The following PRPF38A variants were observed in gnomAD, a reference collection of about 807,000 sequenced individuals.
PRPF38A encodes pre-mRNA-splicing factor 38A.
Under a neutral mutation model 46.8 loss-of-function variants are expected in PRPF38A, and 11 were observed. The ratio of observed to expected loss-of-function variants is 0.24; its 90% CI spans 0.15 to 0.39. The LOEUF is 0.39. Ranked by LOEUF, PRPF38A falls within the 10% of genes least tolerant of loss-of-function variation. The pLI, the probability that PRPF38A is intolerant of heterozygous loss-of-function variation, is 1.00. For synonymous variants in PRPF38A, 124 were observed against 136.2 expected, an observed-to-expected ratio of 0.91 and a Z score of 0.62; for missense variants, 261 against 407.5, an observed-to-expected ratio of 0.64 and a Z score of 3.10.
chr1:52,413,398 TC>T (rs1225948829), intron 5 of PRPF38A, among the ~76,000 whole-genome samples: 2 of 152,008 alleles, frequency 1.3e-5, no homozygotes, highest in East Asian at 3.9e-4. Flanking sequence ...GCCCAGTTGT[TC>T]CAGGAAGCAA....
At chr1:52,412,428 T>TC in intron 4 of PRPF38A, 86 bp from the exon 5 acceptor site, 1 of 857,480 alleles carries the variant, frequency 1.2e-6, no homozygotes, top group Non-Finnish European at 1.8e-6. Context: ...CAGCTGTTGC[T>TC]CCTTGGAACC....
rs149863673 is a variant in PRPF38A, at chr1:52,407,210, C to G, written c.291-1359C>G. On this transcript the variant is annotated intron_variant, in intron 2 of 9. Transcript: ENST00000257181. Reference sequence around the variant, plus strand: ...TTTTTTGTATTTTTACTAGAGACGGCATTTCACCGCGTTAGCCAGGATGGT... The same window carrying G: ...TTTTTTGTATTTTTACTAGAGACGGGATTTCACCGCGTTAGCCAGGATGGT... Among the ~76,000 whole-genome samples the G allele has an allele frequency of 2.9e-3, 442 of 152,234 alleles. 3 individuals are homozygous for G. Among genetic ancestry groups the G allele is most frequent in the Admixed American group, 7.5e-3 (115 of 15,282 alleles).
In PRPF38A at chr1:52,419,159, C is replaced by G. The variant is rs910147685; in HGVS notation, c.*2469C>G. On this transcript the variant is annotated 3_prime_UTR_variant, in exon 10 of 10. Transcript: ENST00000257181. Reference sequence around the variant, plus strand: ...TCACCTGAGGTCGGGAGTTTGAGACCAGCCTGGCCAACATGGAGAAACCCT... The same window carrying G: ...TCACCTGAGGTCGGGAGTTTGAGACGAGCCTGGCCAACATGGAGAAACCCT... 6.6e-6 allele frequency: 1 copy of G among 152,134 alleles called. No individual in the cohort carries two copies. The highest frequency in any genetic ancestry group is 1.5e-5 in the Non-Finnish European group (1 of 68,052). 9.4% of individuals were successfully genotyped at this position (152,134 alleles called of 1,614,324 possible). A position where few individuals can be genotyped will look rare whatever the true frequency, so the allele number is the denominator to read the frequency against.
intron 9 of PRPF38A, among the ~76,000 whole-genome samples, chr1:52,415,693 G>A (rs1648270595): frequency 6.6e-6 from 1 of 151,884 alleles, no homozygotes. Flanking sequence ...TTTGGACAAT[G>A]GATGAGCTTT....
chr1:52,404,773 T>A lies in PRPF38A; in HGVS notation c.24T>A (p.Asp8Glu). 1 of 1,614,134 alleles carries A rather than the reference T, an allele frequency of 6.2e-7. No individual in the cohort carries two copies. Among genetic ancestry groups the A allele is most frequent in the Non-Finnish European group, 8.5e-7 (1 of 1,179,986 alleles). ...AAATGGCTAACCGTACAGTGAAGGA[T>A]GCGCACAGCATCCATGGCACCAACC... MANRTVK[D>E]AHSIHGTNPQ... Residue 8 changes from aspartate (D) to glutamate (E), a missense_variant, in exon 1 of 10, where the codon GAT becomes GAA. By Grantham distance (45) the Asp-to-Glu change is conservative. Around this residue, in one of 2 missense-constraint regions of PRPF38A, gnomAD observed 81 missense variants for 186.5 expected, o/e 0.43. Transcript: ENST00000257181.
intron 1 of PRPF38A, among the ~76,000 whole-genome samples, 153 bp downstream of exon 1, chr1:52,405,032 C>T (rs1358328769): frequency 6.6e-6 from 1 of 152,122 alleles, no homozygotes; most frequent in African/African-American, 2.4e-5. Context: ...CTAAGTGCCT[C>T]GTCTTGTGTT....
intron 3 of PRPF38A, among the ~76,000 whole-genome samples, chr1:52,410,244 G>T (rs1031565754): frequency 3.4e-5 from 5 of 148,558 alleles, no homozygotes; most frequent in Non-Finnish European, 7.4e-5. Context: ...GGAGGTTGCA[G>T]TGAGCCAAGA....
At position 52,416,682 on chromosome 1, in the gene PRPF38A, A is replaced by T. The variant is rs755241063; in HGVS notation, c.931A>T (p.Asn311Tyr). ...KKSHKKSRRGNE is the reference protein window; with the variant it reads ...KKSHKKSRRGYE ...GAGCCACAAGAAGAGCCGGAGAGGGAATGAGTAATGGACTCAGTTTGGTTT... is the reference window on the plus strand; with the variant it reads ...GAGCCACAAGAAGAGCCGGAGAGGGTATGAGTAATGGACTCAGTTTGGTTT... Residue 311 changes from asparagine to tyrosine, a missense_variant, in exon 10 of 10, where the codon AAT (asparagine) becomes TAT (tyrosine). Coordinates refer to ENST00000257181, the MANE Select transcript of PRPF38A (RefSeq NM_032864.4). 1 of 1,612,054 alleles carries T rather than the reference A, an allele frequency of 6.2e-7. No individual in the cohort carries two copies. Among genetic ancestry groups the T allele is most frequent in the South Asian group, 1.1e-5 (1 of 91,050 alleles).
At chr1:52,413,843 C>G in intron 5 of PRPF38A, 36 bp from the exon 6 acceptor site, 1 of 1,362,748 alleles carries the variant, frequency 7.3e-7, no homozygotes, top group Non-Finnish European at 1.1e-6. Flanking sequence ...CTTTATAAGC[C>G]TGTGCCTTTC....
Position 52,416,594 on chromosome 1 carries a change from C to T in PRPF38A, c.897-54C>T, listed in dbSNP as rs958089186. ...AAAGTGCTGGGATTACAGGCGTGAG[C>T]CACCGTGCCTGGCTGCTTCTTAATA... On this transcript the variant is annotated intron_variant, in intron 9 of 9. Coordinates refer to ENST00000257181, the MANE Select transcript of PRPF38A (RefSeq NM_032864.4). The T allele has an allele frequency of 1.5e-5, 21 of 1,424,478 alleles. No homozygotes were observed. In the African/African-American group the frequency reaches 2.7e-4, roughly 18 times the overall value. 88.2% of individuals were successfully genotyped at this position (1,424,478 alleles called of 1,614,324 possible).
intron 3 of PRPF38A, 178 bp downstream of exon 3, chr1:52,408,868 C>T (rs972459758): frequency 1.9e-5 from 12 of 648,408 alleles, no homozygotes; most frequent in East Asian, 6.1e-5. Context: ...CTACTAGCTT[C>T]GTGTTGGCCT....
intron 3 of PRPF38A, 114 bp downstream of exon 3, chr1:52,408,804 G>T: frequency 7.7e-7 from 1 of 1,299,104 alleles, no homozygotes; most frequent in Non-Finnish European, 1.1e-6. Context: ...CATCTACATT[G>T]TTACTGTCTC....
At chr1:52,414,936 A>C in intron 8 of PRPF38A, 77 bp downstream of exon 8, 1 of 1,347,604 alleles carries the variant, frequency 7.4e-7, no homozygotes, top group Non-Finnish European at 1.1e-6. Flanking sequence ...CCTGCAGTAC[A>C]GGAGTGCCTG....
At chr1:52,414,035 T>G in intron 6 of PRPF38A, 44 bp downstream of exon 6, 2 of 1,330,204 alleles carry the variant, frequency 1.5e-6, no homozygotes, top group Non-Finnish European at 1.1e-6. Flanking sequence ...TTTTGAGCAC[T>G]GTAGCCTAGA....
Position 52,412,588 on chromosome 1 carries a change from G to A in PRPF38A, c.573G>A (p.Val191=). Reference sequence around the variant, plus strand: ...CTCTGGAAGAGGACATGGATGATGTGGAGTCCAGTGAAGAGGAAGAAGAGG... The same window carrying A: ...CTCTGGAAGAGGACATGGATGATGTAGAGTCCAGTGAAGAGGAAGAAGAGG... The part of the protein sequence containing the change: ...VSALEEDMDD[V]ESSEEEEEED... Residue 191 remains valine, a synonymous_variant, in exon 5 of 10, where the codon GTG becomes GTA. Coordinates refer to ENST00000257181, the MANE Select transcript of PRPF38A (RefSeq NM_032864.4). 1 of 1,613,662 alleles carries A rather than the reference G, an allele frequency of 6.2e-7. No homozygotes were observed. Among genetic ancestry groups the A allele is most frequent in the Non-Finnish European group, 8.5e-7 (1 of 1,179,582 alleles).
rs1452216572 is a variant in PRPF38A, at chr1:52,414,613, C to T, written c.723-8C>T. 3 of 1,613,296 alleles carry T rather than the reference C, an allele frequency of 1.9e-6. No homozygotes were observed. The highest frequency in any genetic ancestry group is 2.5e-6 in the Non-Finnish European group (3 of 1,179,992). On this transcript the variant is annotated splice_polypyrimidine_tract_variant and splice_region_variant and intron_variant, in intron 6 of 9. Transcript: ENST00000257181. ...ACCTAGGCTTTCTTCTTCCTCTCCT[C>T]TTTATAGGCGGAGTCGATCTCCCAA...
At chr1:52,416,621 A>G in intron 9 of PRPF38A, 27 bp from the exon 10 acceptor site, 2 of 1,592,658 alleles carry the variant, frequency 1.3e-6, no homozygotes, top group Non-Finnish European at 1.7e-6. Flanking sequence ...TTCTTAATAT[A>G]ATTATTTATA....
chr1:52,416,211 A>G (rs144912957), intron 9 of PRPF38A, among the ~76,000 whole-genome samples: 215 of 152,128 alleles, frequency 1.4e-3, no homozygotes, highest in South Asian at 4.8e-3. Flanking sequence ...GCCTGACTCA[A>G]GAGTGTTGCT....
chr1:52,405,608 G>A (rs1395504084), intron 1 of PRPF38A, 72 bp from the exon 2 acceptor site: 9 of 1,461,472 alleles, frequency 6.2e-6, no homozygotes, highest in Non-Finnish European at 8.5e-6. Flanking sequence ...GAGAACCAAA[G>A]CTTGAACTAA....
Sources: gnomAD v4.1 joint callset for allele counts (sites outside exome capture counted in the v4.1 genomes callset) on GRCh38, gnomAD v4.1.1 for gene constraint, gnomAD v4.1.1 regional missense constraint, MANE v1.5 for transcripts, NCBI Gene and HGNC (gene_info 2026-07-23, HGNC 2026-07-21) for gene names.